Variants in KHDRBS1 observed in about 807,000 individuals in gnomAD.
KHDRBS1 encodes KH RNA binding domain containing, signal transduction associated 1.
A neutral mutation model predicts 48.4 loss-of-function variants in KHDRBS1; 7 were observed. The observed-to-expected ratio is 0.14, with a 90% CI of 0.08 to 0.27. KHDRBS1 has a LOEUF of 0.27. KHDRBS1 is among the 10% of genes least tolerant of loss of function. The probability of loss-of-function intolerance (pLI) is 1.00; values close to 1 mark genes in which losing one functional copy is unlikely to be tolerated. For synonymous variants in KHDRBS1, 241 were observed against 235.8 expected (o/e 1.02, Z -0.20); for missense variants, 458 against 601.2 (o/e 0.76, Z 2.49).
chr1:32,047,641 A>G (rs974026951), downstream of KHDRBS1, among the ~76,000 whole-genome samples: 3 of 152,224 alleles, frequency 2.0e-5, no homozygotes, highest in Admixed American at 6.5e-5. Flanking sequence ...ATGCATCATA[A>G]TATCCTAACA....
intron 1 of KHDRBS1, among the ~76,000 whole-genome samples, chr1:32,024,738 T>G (rs1352163745): frequency 6.6e-6 from 1 of 152,200 alleles, no homozygotes; most frequent in African/African-American, 2.4e-5. Flanking sequence ...CTCAGTTCAC[T>G]GAGTTATTTT....
Position 32,042,789 on chromosome 1 carries a change from T to G in KHDRBS1, c.*165T>G, listed in dbSNP as rs1457536143. ...ACCTTATTCCATTCTTAACTCTGCA[T>G]TCTGGCTTCTGTATGTAGTATTTTA... On this transcript the variant is annotated 3_prime_UTR_variant, in exon 9 of 9. Transcript: ENST00000327300. 7 of 535,700 alleles carry G rather than the reference T, an allele frequency of 1.3e-5. No individual in the cohort carries two copies. Among genetic ancestry groups the G allele is most frequent in the Non-Finnish European group, 2.4e-5 (7 of 297,166 alleles). 33.2% of individuals were successfully genotyped at this position (535,700 alleles called of 1,614,324 possible).
chr1:32,030,283 G>GT lies in KHDRBS1; in HGVS notation c.383-10dup. 6.3e-7 allele frequency: 1 copy of GT among 1,598,816 alleles called. No homozygotes were observed. Among genetic ancestry groups the GT allele is most frequent in the Non-Finnish European group, 8.5e-7 (1 of 1,173,972 alleles). On this transcript the variant is annotated splice_polypyrimidine_tract_variant and intron_variant, in intron 1 of 8. Coordinates refer to ENST00000327300, the MANE Select transcript of KHDRBS1 (RefSeq NM_006559.3). ...TTATTTACCAGGGCAAAAATAAATT[G>GT]TTTTTCCTATTCAGAAATTGAGAAG...
chr1:32,032,388 T>C (rs1639098236), intron 3 of KHDRBS1, among the ~76,000 whole-genome samples: 1 of 152,198 alleles, frequency 6.6e-6, no homozygotes, highest in Non-Finnish European at 1.5e-5. Flanking sequence ...GGCTGAAGTG[T>C]GTTCTAACTA....
At chr1:32,045,460 A>C (rs1003531633), downstream of KHDRBS1, 1 of 152,558 alleles carries the variant, frequency 6.6e-6, no homozygotes, top group Admixed American at 6.5e-5. Flanking sequence ...TTATGCTAGG[A>C]GGTGGCCTGT....
rs184513660 is a variant in KHDRBS1, at chr1:32,055,665, C to T, written n.1302-4498C>T. 3.8e-4 allele frequency among the ~76,000 whole-genome samples: 58 copies of T among 152,214 alleles called. No individual in the cohort carries two copies. In the East Asian group the frequency reaches 0.01, roughly 27 times the overall value. On this transcript the variant is annotated intron_variant and non_coding_transcript_variant, in intron 10 of 10. Coordinates refer to the KHDRBS1 transcript ENST00000484270. ...AGTGCACAACACTGCCTTAACTACC[C>T]GTTCTTTTGTTTCCTGGCCTAGAAA...
intron 1 of KHDRBS1, among the ~76,000 whole-genome samples, chr1:32,022,101 G>A (rs1006576432): frequency 1.3e-5 from 2 of 151,808 alleles, no homozygotes; most frequent in African/African-American, 4.8e-5. Flanking sequence ...CTGAGTAGCT[G>A]AGACTACAGG....
chr1:32,026,748 C>T lies in KHDRBS1; in HGVS notation c.383-3550C>T, dbSNP rs1291329344. On this transcript the variant is annotated intron_variant, in intron 1 of 8. Transcript: ENST00000327300. ...AAAGGTCTAACTCAATGGTAGCCCT[C>T]GGAAGCACAAAGCGACATAGATAAA... 5.3e-5 allele frequency among the ~76,000 whole-genome samples: 8 copies of T among 152,256 alleles called. No individual in the cohort carries two copies. The South Asian group carries it at 8.3e-4, about 16-fold the overall frequency.
At chr1:32,047,253 G>T (rs1402626241), downstream of KHDRBS1, among the ~76,000 whole-genome samples, 1 of 152,106 alleles carries the variant, frequency 6.6e-6, no homozygotes, top group East Asian at 1.9e-4. Flanking sequence ...CCACCTCCCG[G>T]GTTCAAGCGA....
chr1:32,017,288 A>T (rs1013203652), intron 1 of KHDRBS1, among the ~76,000 whole-genome samples: 3 of 151,610 alleles, frequency 2.0e-5, no homozygotes, highest in African/African-American at 7.3e-5. Context: ...ATTTTGAGGG[A>T]TGTAGATTTT....
intron 1 of KHDRBS1, among the ~76,000 whole-genome samples, chr1:32,017,209 G>C (rs1638759634): frequency 6.6e-6 from 1 of 151,308 alleles, no homozygotes; most frequent in African/African-American, 2.4e-5. Flanking sequence ...AGTGAGCCCA[G>C]ATTGCACCAT....
intron 1 of KHDRBS1, among the ~76,000 whole-genome samples, chr1:32,024,681 A>G (rs1001286079): frequency 6.6e-6 from 1 of 151,934 alleles, no homozygotes; most frequent in Non-Finnish European, 1.5e-5. Context: ...TGACCTAGAG[A>G]TAGTTATTTA....
At chr1:32,030,256 A>G (rs777433921) in intron 1 of KHDRBS1, 42 bp from the exon 2 acceptor site, 10 of 1,574,120 alleles carry the variant, frequency 6.4e-6, no homozygotes, top group Non-Finnish European at 7.8e-6. Flanking sequence ...CAAAATTTGC[A>G]TTTATTTACC....
At chr1:32,036,554 TTTA>T (rs971169989) in intron 4 of KHDRBS1, among the ~76,000 whole-genome samples, 4 of 152,168 alleles carry the variant, frequency 2.6e-5, no homozygotes, top group African/African-American at 7.2e-5. Context: ...GGTAGTGGCT[TTTA>T]TTATTCCAGG....
chr1:32,027,198 C>T (rs1638992570), intron 1 of KHDRBS1, among the ~76,000 whole-genome samples: 1 of 152,202 alleles, frequency 6.6e-6, no homozygotes, highest in Admixed American at 6.5e-5. Flanking sequence ...TCCCAACGTG[C>T]TGGGATTACA....
intron 4 of KHDRBS1, among the ~76,000 whole-genome samples, chr1:32,033,690 G>A (rs891203345): frequency 1.3e-5 from 2 of 152,164 alleles, no homozygotes; most frequent in Admixed American, 6.5e-5. Flanking sequence ...ATTGTGTTAG[G>A]AAAGTGACTA....
intron 1 of KHDRBS1, 55 bp from the exon 2 acceptor site, chr1:32,030,243 C>T: frequency 6.7e-7 from 1 of 1,501,462 alleles, no homozygotes; most frequent in South Asian, 1.2e-5. Context: ...TTTAAGCAGA[C>T]TTCAAAATTT....
chr1:32,058,301 T>C (rs1304703925), intron 10 of KHDRBS1, among the ~76,000 whole-genome samples: 1 of 152,110 alleles, frequency 6.6e-6, no homozygotes, highest in Non-Finnish European at 1.5e-5. Flanking sequence ...TTGCCCAGGA[T>C]GGAGAACTTC....
downstream of KHDRBS1, among the ~76,000 whole-genome samples, chr1:32,047,537 T>G (rs1340992136): frequency 1.3e-5 from 2 of 152,222 alleles, no homozygotes; most frequent in African/African-American, 2.4e-5. Flanking sequence ...CTGCTTCATG[T>G]GAGCCTTTGT....
Sources: gnomAD v4.1 joint callset for allele counts (sites outside exome capture counted in the v4.1 genomes callset) on GRCh38, gnomAD v4.1.1 for gene constraint, MANE v1.5 for transcripts, NCBI Gene and HGNC (gene_info 2026-07-23, HGNC 2026-07-21) for gene names.